Variants in DYNC1I1 observed in about 807,000 individuals in gnomAD.
DYNC1I1 encodes cytoplasmic dynein 1 intermediate chain 1.
DYNC1I1 carries 43 observed loss-of-function variants against 86.6 expected under a neutral mutation model. The observed-to-expected ratio is 0.50, with a 90% confidence interval of 0.39 to 0.64. The LOEUF is 0.64. Ranked by LOEUF, DYNC1I1 falls within the 30% of genes least tolerant of loss-of-function variation. DYNC1I1 has a pLI of 0.00. For missense variants in DYNC1I1, 604 were observed against 788.8 expected (o/e 0.77, Z 2.81); for synonymous variants, 262 against 283.7 (o/e 0.92, Z 0.77).
intron 6 of DYNC1I1, among the ~76,000 whole-genome samples, chr7:95,880,822 T>G (rs1452743062): frequency 1.3e-5 from 2 of 151,838 alleles, no homozygotes; most frequent in African/African-American, 4.8e-5. Context: ...ATTTTTGTAT[T>G]TTTAGTAGAG....
intron 6 of DYNC1I1, among the ~76,000 whole-genome samples, chr7:95,967,920 G>A (rs546469669): frequency 5.1e-4 from 77 of 152,252 alleles, no homozygotes; most frequent in African/African-American, 1.4e-3. Context: ...ATGCTTGTGC[G>A]GGGGTGAACA....
intron 10 of DYNC1I1, among the ~76,000 whole-genome samples, chr7:96,015,470 C>T (rs908644045): frequency 2.4e-4 from 37 of 152,070 alleles, no homozygotes; most frequent in African/African-American, 8.0e-4. Context: ...AATAGTATTT[C>T]CCTTGTGGAC....
At chr7:95,818,644 C>T (rs1584250749) in intron 4 of DYNC1I1, 1 of 489,670 alleles carries the variant, frequency 2.0e-6, no homozygotes, top group Admixed American at 3.3e-5. Flanking sequence ...TTGTGCCCAG[C>T]CTAAAAATCT....
In DYNC1I1 at chr7:95,866,898, AG is replaced by A. The variant is rs773619246; in HGVS notation, c.375-2983del. Among the ~76,000 whole-genome samples, 36 of 152,234 alleles carry A rather than the reference AG, an allele frequency of 2.4e-4. 1 individual carries two copies. The highest frequency in any genetic ancestry group is 5.2e-4 in the Admixed American group (8 of 15,284). ...AACTCAGCTTTTATTTTGATGTCTT[AG>A]GTACAAGTCAGACCCTGAACTCACA... is the stretch of plus-strand genomic sequence containing the variant. On this transcript the variant is annotated intron_variant, in intron 5 of 16. Transcript: ENST00000447467.
chr7:95,909,462 C>G (rs1314847982), intron 6 of DYNC1I1, among the ~76,000 whole-genome samples: 1 of 151,892 alleles, frequency 6.6e-6, no homozygotes, highest in Non-Finnish European at 1.5e-5. Context: ...GCACTACAGC[C>G]GGGGTTTCAG....
At chr7:95,965,904 T>G (rs1792998919) in intron 6 of DYNC1I1, among the ~76,000 whole-genome samples, 1 of 152,146 alleles carries the variant, frequency 6.6e-6, no homozygotes, top group Non-Finnish European at 1.5e-5. Context: ...ACTGCTCAAT[T>G]TAGGTTCCAA....
In DYNC1I1 at chr7:96,097,372, G is replaced by A; in HGVS notation, c.1777-111G>A. 5 of 1,171,510 alleles carry A rather than the reference G, an allele frequency of 4.3e-6. 1 individual carries two copies. The South Asian group carries it at 7.6e-5, about 18-fold the overall frequency. 72.6% of individuals were successfully genotyped at this position (1,171,510 alleles called of 1,614,324 possible). ...GTTTGATTTCCTTTACATTCCAAGGGAAACATCTGCTTTGGAGGGTGTGGG... is the reference window on the plus strand; with the variant it reads ...GTTTGATTTCCTTTACATTCCAAGGAAAACATCTGCTTTGGAGGGTGTGGG... On this transcript the variant is annotated intron_variant, in intron 16 of 16. Coordinates refer to ENST00000447467, the MANE Select transcript of DYNC1I1 (RefSeq NM_001135556.2).
chr7:96,058,963 C>A (rs1201321078), intron 14 of DYNC1I1, among the ~76,000 whole-genome samples: 1 of 151,940 alleles, frequency 6.6e-6, no homozygotes, highest in Non-Finnish European at 1.5e-5. Flanking sequence ...TTGTTATGTA[C>A]AACAGTTGTA....
intron 6 of DYNC1I1, among the ~76,000 whole-genome samples, chr7:95,936,416 A>G (rs543395366): frequency 1.3e-5 from 2 of 152,120 alleles, no homozygotes; most frequent in South Asian, 4.1e-4. Context: ...ATATCCATAG[A>G]CTGGGAAGTT....
chr7:95,893,072 A>C (rs996026728), intron 6 of DYNC1I1, among the ~76,000 whole-genome samples: 1 of 152,144 alleles, frequency 6.6e-6, no homozygotes, highest in African/African-American at 2.4e-5. Flanking sequence ...ATTTTGGCAC[A>C]GTAAGCTTTG....
intron 6 of DYNC1I1, among the ~76,000 whole-genome samples, chr7:95,930,108 C>T (rs1001691635): frequency 6.6e-6 from 1 of 152,224 alleles, no homozygotes; most frequent in Non-Finnish European, 1.5e-5. Context: ...CACAATCTTT[C>T]AGAATCAGGA....
intron 6 of DYNC1I1, among the ~76,000 whole-genome samples, chr7:95,890,825 T>C (rs953707572): frequency 6.6e-6 from 1 of 152,182 alleles, no homozygotes; most frequent in Non-Finnish European, 1.5e-5. Context: ...GGGCACCAGT[T>C]TGAAAACTGT....
chr7:96,100,650 T>TTTTGTGTGTGTGTGTGTGTG (rs376786905), downstream of DYNC1I1, among the ~76,000 whole-genome samples: 3 of 142,848 alleles, frequency 2.1e-5, no homozygotes, highest in Non-Finnish European at 4.6e-5. Context: ...TTTGAGGGTT[T>TTTTGTGTGTGTGTGTGTGTG]TGTGTGTGTG....
intron 1 of DYNC1I1, among the ~76,000 whole-genome samples, chr7:95,785,367 T>C (rs1383330535): frequency 6.6e-6 from 1 of 152,134 alleles, no homozygotes; most frequent in East Asian, 1.9e-4. Flanking sequence ...TGAGCCAAGA[T>C]TGCGCCATTG....
chr7:96,037,432 A>T (rs1271071539), intron 13 of DYNC1I1, among the ~76,000 whole-genome samples: 1 of 152,204 alleles, frequency 6.6e-6, no homozygotes, highest in Non-Finnish European at 1.5e-5. Context: ...AGAAAGATAA[A>T]TACACAAATA....
chr7:95,856,983 AAAAAAAAG>A (rs1399412207), intron 5 of DYNC1I1, among the ~76,000 whole-genome samples: 2 of 152,126 alleles, frequency 1.3e-5, no homozygotes, highest in Non-Finnish European at 1.5e-5. Context: ...CGTCTCAGAA[AAAAAAAAG>A]AAAAAAAGAA....
At chr7:95,908,024 A>G (rs551476419) in intron 6 of DYNC1I1, among the ~76,000 whole-genome samples, 14 of 152,284 alleles carry the variant, frequency 9.2e-5, no homozygotes, top group Non-Finnish European at 1.9e-4. Flanking sequence ...TTTACTTTTT[A>G]TAACATATTT....
intron 16 of DYNC1I1, among the ~76,000 whole-genome samples, chr7:96,096,659 A>C (rs1482917648): frequency 6.6e-6 from 1 of 152,162 alleles, no homozygotes; most frequent in East Asian, 1.9e-4. Flanking sequence ...AGGAGGCGTT[A>C]ATTTCCTCCT....
intron 5 of DYNC1I1, among the ~76,000 whole-genome samples, chr7:95,842,564 TC>T (rs1789316141): frequency 6.6e-6 from 1 of 152,094 alleles, no homozygotes; most frequent in Non-Finnish European, 1.5e-5. Context: ...ACAAGTTAAG[TC>T]CTTGAGGAAG....
Sources: gnomAD v4.1 joint callset for allele counts (sites outside exome capture counted in the v4.1 genomes callset) on GRCh38, gnomAD v4.1.1 for gene constraint, MANE v1.5 for transcripts, NCBI Gene and HGNC (gene_info 2026-07-23, HGNC 2026-07-21) for gene names.